ODF2: variants seen among roughly 807,000 people sequenced by gnomAD.
The protein encoded by ODF2 is outer dense fiber protein 2.
Under a neutral mutation model 110.2 loss-of-function variants are expected in ODF2, and 47 were observed. That is an observed-to-expected ratio of 0.43 (90% CI 0.34 to 0.54). The LOEUF (loss-of-function observed/expected upper bound fraction) is 0.54. ODF2 is among the 20% of genes least tolerant of loss of function. The probability of loss-of-function intolerance (pLI) is 0.03; values close to 1 mark genes in which losing one functional copy is unlikely to be tolerated. For missense variants in ODF2, 812 were observed against 1,054.5 expected (o/e 0.77, Z 3.19); for synonymous variants, 352 against 397.7 (o/e 0.89, Z 1.37).
chr9:128,480,079 T>C (rs1241045782), intron 8 of ODF2, among the ~76,000 whole-genome samples: 1 of 152,152 alleles, frequency 6.6e-6, no homozygotes, highest in Non-Finnish European at 1.5e-5. Context: ...CTATGATCCA[T>C]GATTACAACA....
chr9:128,494,496 C>G lies in ODF2; in HGVS notation c.1753-14C>G. The G allele has an allele frequency of 6.2e-7, 1 of 1,613,630 alleles. No homozygotes were observed. Among genetic ancestry groups the G allele is most frequent in the Non-Finnish European group, 8.5e-7 (1 of 1,179,572 alleles). ...GGGTCTTTCCTTCCTGTGGGTCTTT[C>G]CTTCCTGTTTCAGGCACGAAGGCAG... On this transcript the variant is annotated splice_polypyrimidine_tract_variant and intron_variant, in intron 16 of 20. Coordinates refer to ENST00000604420, the Ensembl canonical transcript of ODF2. The surrounding 1 kb of genome is among the most constrained non-coding windows in gnomAD (Gnocchi z 4.6).
chr9:128,469,168 C>T lies in ODF2; in HGVS notation c.250-15C>T, dbSNP rs1191266879. 1 of 1,611,554 alleles carries T rather than the reference C, an allele frequency of 6.2e-7. No individual in the cohort carries two copies. Among genetic ancestry groups the T allele is most frequent in the Non-Finnish European group, 8.5e-7 (1 of 1,178,430 alleles). ...TGCCTTCTGAGTTCATGTGTTTCTC[C>T]CTCCTCTACATCAGAATCCACCTCA... On this transcript the variant is annotated splice_polypyrimidine_tract_variant and intron_variant, in intron 4 of 20. Coordinates refer to ENST00000604420, the Ensembl canonical transcript of ODF2.
chr9:128,492,872 T>A, intron 16 of ODF2, 67 bp downstream of exon 16: 6 of 1,353,550 alleles, frequency 4.4e-6, no homozygotes, highest in Non-Finnish European at 6.2e-6. Flanking sequence ...ACTGTGAGTC[T>A]GTTCCCCTTG....
At chr9:128,466,638 C>CT (rs1358161440) in intron 4 of ODF2, among the ~76,000 whole-genome samples, 4 of 129,456 alleles carry the variant, frequency 3.1e-5, no homozygotes, top group Non-Finnish European at 6.2e-5. Flanking sequence ...AGTAGTCACA[C>CT]TTTCCCATAT....
intron 6 of ODF2, among the ~76,000 whole-genome samples, chr9:128,472,000 G>T (rs1840105104): frequency 6.6e-6 from 1 of 152,270 alleles, no homozygotes; most frequent in East Asian, 1.9e-4. Flanking sequence ...TAATTTATTT[G>T]GCCGGGCGTG....
At position 128,493,562 on chromosome 9, in the gene ODF2, G is replaced by C. The variant is rs531525878; in HGVS notation, c.1752+757G>C. On this transcript the variant is annotated intron_variant, in intron 16 of 20. Coordinates refer to ENST00000604420, the Ensembl canonical transcript of ODF2. ...TCCCAAAGAGCCTTATTCTTCTACA[G>C]ATGGTTTGGCTGATTAGAGCAGCGG... 2.0e-5 allele frequency among the ~76,000 whole-genome samples: 3 copies of C among 152,268 alleles called. No homozygotes were observed. In the South Asian group the frequency reaches 6.2e-4, roughly 32 times the overall value.
chr9:128,476,859 G>A (rs564356811), intron 8 of ODF2, among the ~76,000 whole-genome samples: 19 of 151,298 alleles, frequency 1.3e-4, no homozygotes, highest in African/African-American at 3.4e-4. Flanking sequence ...GGCTGGTCTC[G>A]AACTCCTAAA....
chr9:128,473,933 A>C (rs1275369826), intron 8 of ODF2, among the ~76,000 whole-genome samples, 192 bp downstream of exon 8: 2 of 152,162 alleles, frequency 1.3e-5, no homozygotes, highest in East Asian at 3.9e-4. Flanking sequence ...GTTGAATCCA[A>C]GCCAGGCAGC....
intron 8 of ODF2, among the ~76,000 whole-genome samples, chr9:128,475,922 G>C (rs541623314): frequency 1.3e-5 from 2 of 152,118 alleles, no homozygotes; most frequent in African/African-American, 2.4e-5. Flanking sequence ...GGGATTACAG[G>C]GGTAAGCCAC....
intron 7 of ODF2, 49 bp downstream of exon 7, chr9:128,473,091 G>A: frequency 6.2e-7 from 1 of 1,611,356 alleles, no homozygotes; most frequent in Non-Finnish European, 8.5e-7. Flanking sequence ...CCTCGGGAGG[G>A]GGCAGCTGCA....
chr9:128,469,553 A>G (rs954948970), intron 5 of ODF2, 200 bp downstream of exon 5: 17 of 596,262 alleles, frequency 2.9e-5, no homozygotes, highest in South Asian at 4.0e-5. Context: ...GGCCCTCTCT[A>G]TTGAGCATGT....
chr9:128,458,191 C>T (rs2043069259), intron 2 of ODF2, among the ~76,000 whole-genome samples: 1 of 152,082 alleles, frequency 6.6e-6, no homozygotes, highest in Non-Finnish European at 1.5e-5. Context: ...TGGCTCATGC[C>T]TGTGCAATCC....
At chr9:128,499,632 CAG>C (rs1474315587) in intron 20 of ODF2, among the ~76,000 whole-genome samples, 1 of 150,526 alleles carries the variant, frequency 6.6e-6, no homozygotes, top group Non-Finnish European at 1.5e-5. Flanking sequence ...TTGTTTTAGA[CAG>C]AGTTTCATTC....
chr9:128,500,167 AATC>A (rs1375391165), exon 21 of ODF2: 1 of 1,614,062 alleles, frequency 6.2e-7, no homozygotes, highest in African/African-American at 1.3e-5. Context: ...CAGTTCCTCA[AATC>A]ATCATACGCC....
chr9:128,490,006 T>C (rs552411308), intron 14 of ODF2, among the ~76,000 whole-genome samples: 32 of 152,182 alleles, frequency 2.1e-4, no homozygotes, highest in Non-Finnish European at 3.8e-4. Context: ...CTCATTTGTA[T>C]AGTGTAATTG....
At chr9:128,495,225 G>C (rs536232276) in intron 17 of ODF2, among the ~76,000 whole-genome samples, 22 of 152,338 alleles carry the variant, frequency 1.4e-4, no homozygotes, top group African/African-American at 5.1e-4. Context: ...CACTCTTGAC[G>C]TGTGTACTTG....
chr9:128,478,526 A>G (rs1841798528), intron 8 of ODF2, among the ~76,000 whole-genome samples: 1 of 150,478 alleles, frequency 6.6e-6, no homozygotes, highest in African/African-American at 2.5e-5. Context: ...TGAACCCGGG[A>G]GGCAGAGGTT....
chr9:128,473,226 C>T (rs983187812), intron 7 of ODF2, 184 bp downstream of exon 7: 19 of 985,164 alleles, frequency 1.9e-5, no homozygotes, highest in African/African-American at 5.2e-5. Flanking sequence ...TTGAAGATGA[C>T]CTCTGGTCAC....
intron 3 of ODF2, chr9:128,460,288 G>C (rs1836082447): frequency 7.2e-7 from 1 of 1,382,140 alleles, no homozygotes; most frequent in Non-Finnish European, 9.5e-7. Flanking sequence ...TCTGGGATCT[G>C]TTCTGGAACG....
Sources: gnomAD v4.1 joint callset for allele counts (sites outside exome capture counted in the v4.1 genomes callset) on GRCh38, gnomAD v4.1.1 for gene constraint, Gnocchi (gnomAD v3.1) non-coding constraint, MANE v1.5 for transcripts, NCBI Gene and HGNC (gene_info 2026-07-23, HGNC 2026-07-21) for gene names.